Variants in SUGCT observed in about 807,000 individuals in gnomAD.
The protein encoded by SUGCT is succinyl-CoA:glutarate-CoA transferase.
Under a neutral mutation model 55.0 loss-of-function variants are expected in SUGCT, and 41 were observed. That is an observed-to-expected ratio of 0.74 (90% CI 0.58 to 0.97). The LOEUF is 0.97. Among genes scored for constraint, SUGCT ranks in the 50% least tolerant of loss-of-function variants. The pLI is 0.00. For missense variants in SUGCT, 568 were observed against 547.8 expected (o/e 1.04, Z -0.37); for synonymous variants, 187 against 200.4 (o/e 0.93, Z 0.56).
the SUGCT span, among the ~76,000 whole-genome samples, chr7:40,901,012 G>A: frequency 1.3e-5 from 2 of 152,220 alleles, no homozygotes; most frequent in African/African-American, 4.8e-5. Context: ...GTATGTGTGT[G>A]TATATTGTAG....
At chr7:40,579,861 G>A (rs1796979257) in intron 12 of SUGCT, among the ~76,000 whole-genome samples, 1 of 152,166 alleles carries the variant, frequency 6.6e-6, no homozygotes, top group African/African-American at 2.4e-5. Context: ...CTGGAGCAGA[G>A]TAGGATGGTT....
At chr7:40,332,223 A>G (rs569110531) in intron 9 of SUGCT, among the ~76,000 whole-genome samples, 5 of 152,288 alleles carry the variant, frequency 3.3e-5, no homozygotes, top group African/African-American at 1.2e-4. Context: ...TCCTGAAAAC[A>G]TCCTAGTAAG....
chr7:40,843,042 C>CG (rs1793353864), intron 13 of SUGCT, among the ~76,000 whole-genome samples: 1 of 152,084 alleles, frequency 6.6e-6, no homozygotes. Context: ...TCAATCAGTC[C>CG]CTCATTCACT....
the SUGCT span, among the ~76,000 whole-genome samples, chr7:40,954,584 G>A: frequency 2.6e-4 from 40 of 152,106 alleles, no homozygotes; most frequent in African/African-American, 6.5e-4. Context: ...CTATTTGGCC[G>A]TCTTGGAACT....
At chr7:40,369,568 A>T (rs949457923) in intron 9 of SUGCT, among the ~76,000 whole-genome samples, 1 of 152,198 alleles carries the variant, frequency 6.6e-6, no homozygotes, top group Admixed American at 6.6e-5. Context: ...AAGGAAGTTG[A>T]GTAAAACAAT....
At chr7:40,675,000 A>G (rs1783890205) in intron 12 of SUGCT, among the ~76,000 whole-genome samples, 1 of 152,026 alleles carries the variant, frequency 6.6e-6, no homozygotes, top group Non-Finnish European at 1.5e-5. Context: ...TCTAGAGTTG[A>G]AAAGAGAATC....
At chr7:40,647,548 C>T (rs531155688) in intron 12 of SUGCT, among the ~76,000 whole-genome samples, 1 of 152,226 alleles carries the variant, frequency 6.6e-6, no homozygotes. Flanking sequence ...GACAGTGAGA[C>T]ACGTAGAAGT....
intron 12 of SUGCT, among the ~76,000 whole-genome samples, chr7:40,650,820 G>A (rs758123709): frequency 6.6e-6 from 1 of 152,044 alleles, no homozygotes; most frequent in African/African-American, 2.4e-5. Context: ...CCATCACCTA[G>A]GTATTAAGCC....
At chr7:40,746,385 ACTTC>A (rs1389253074) in intron 12 of SUGCT, among the ~76,000 whole-genome samples, 4 of 152,238 alleles carry the variant, frequency 2.6e-5, no homozygotes, top group African/African-American at 9.6e-5. Flanking sequence ...AATTGTATGG[ACTTC>A]ACACTTTATA....
intron 12 of SUGCT, among the ~76,000 whole-genome samples, chr7:40,659,139 C>T (rs1436687515): frequency 6.6e-6 from 1 of 152,190 alleles, no homozygotes; most frequent in East Asian, 1.9e-4. Flanking sequence ...ATCTAATATG[C>T]AGGACAGATC....
chr7:40,361,808 A>T (rs1398832723), intron 9 of SUGCT, among the ~76,000 whole-genome samples: 1 of 151,948 alleles, frequency 6.6e-6, no homozygotes, highest in African/African-American at 2.4e-5. Context: ...GATCTCAGGG[A>T]GGGATCAAAG....
At chr7:40,592,138 CA>C (rs1797759903) in intron 12 of SUGCT, among the ~76,000 whole-genome samples, 1 of 152,082 alleles carries the variant, frequency 6.6e-6, no homozygotes, top group African/African-American at 2.4e-5. Context: ...TATTAAACAA[CA>C]GGTTTAAATA....
At chr7:40,818,525 AAGATGCT>A (rs1791796633) in intron 13 of SUGCT, among the ~76,000 whole-genome samples, 1 of 152,248 alleles carries the variant, frequency 6.6e-6, no homozygotes, top group African/African-American at 2.4e-5. Flanking sequence ...GTGGCTGTGG[AAGATGCT>A]TCATGTTTTA....
the SUGCT span, among the ~76,000 whole-genome samples, chr7:41,002,666 G>T: frequency 6.6e-6 from 1 of 152,190 alleles, no homozygotes; most frequent in Non-Finnish European, 1.5e-5. Flanking sequence ...TGGGGCAAAA[G>T]TCTTGGCCGC....
intron 12 of SUGCT, among the ~76,000 whole-genome samples, chr7:40,728,672 G>A (rs572590997): frequency 6.6e-6 from 1 of 152,250 alleles, no homozygotes; most frequent in Non-Finnish European, 1.5e-5. Context: ...ATACCTATCT[G>A]TGGGAAATGA....
chr7:40,475,886 TTATC>T (rs1790639422), intron 11 of SUGCT, among the ~76,000 whole-genome samples: 1 of 149,762 alleles, frequency 6.7e-6, no homozygotes, highest in Non-Finnish European at 1.5e-5. Context: ...GTCTATCAAA[TTATC>T]TATCAATCCA....
intron 12 of SUGCT, among the ~76,000 whole-genome samples, chr7:40,625,182 A>C (rs1799468371): frequency 6.6e-6 from 1 of 151,992 alleles, no homozygotes; most frequent in Non-Finnish European, 1.5e-5. Context: ...TCTTGACCTG[A>C]CTGCATCTTA....
At chr7:40,402,293 A>G (rs866719472) in intron 9 of SUGCT, among the ~76,000 whole-genome samples, 1 of 152,094 alleles carries the variant, frequency 6.6e-6, no homozygotes, top group African/African-American at 2.4e-5. Flanking sequence ...AGATGATTTG[A>G]TAGAATCTAT....
At chr7:40,242,373 C>T (rs780261029) in intron 7 of SUGCT, among the ~76,000 whole-genome samples, 2 of 151,924 alleles carry the variant, frequency 1.3e-5, no homozygotes, top group Non-Finnish European at 2.9e-5. Flanking sequence ...GACGGGGTTT[C>T]ACCATGTTGA....
Sources: gnomAD v4.1 joint callset for allele counts (sites outside exome capture counted in the v4.1 genomes callset) on GRCh38, gnomAD v4.1.1 for gene constraint, MANE v1.5 for transcripts, NCBI Gene and HGNC (gene_info 2026-07-23, HGNC 2026-07-21) for gene names.